CUX2: variants seen among roughly 807,000 people sequenced by gnomAD.
The protein encoded by CUX2 is homeobox protein cut-like 2.
In CUX2, 40 loss-of-function variants were observed where a neutral mutation model predicts 144.8. That is an observed-to-expected ratio of 0.28 (90% CI 0.21 to 0.36). CUX2 has a LOEUF of 0.36. Among genes scored for constraint, CUX2 ranks in the 10% least tolerant of loss-of-function variants. The probability of loss-of-function intolerance (pLI) is 1.00; values close to 1 mark genes in which losing one functional copy is unlikely to be tolerated. For synonymous variants in CUX2, 827 were observed against 875.6 expected, an observed-to-expected ratio of 0.94 and a Z score of 0.98; for missense variants, 1,615 against 1,994.0, an observed-to-expected ratio of 0.81 and a Z score of 3.62.
chr12:111,249,317 G>A (rs1366983842), intron 3 of CUX2, among the ~76,000 whole-genome samples: 1 of 149,086 alleles, frequency 6.7e-6, no homozygotes, highest in Non-Finnish European at 1.5e-5. Context: ...ATGAGGAAGA[G>A]AAGGATACGG....
chr12:111,342,197 C>A, intron 21 of CUX2, 144 bp downstream of exon 21: 1 of 991,312 alleles, frequency 1.0e-6, no homozygotes, highest in Non-Finnish European at 1.5e-6. Context: ...AGAACACAGG[C>A]CCAAGTGCAG....
intron 1 of CUX2, among the ~76,000 whole-genome samples, chr12:111,062,809 G>A (rs1212522339): frequency 1.3e-5 from 2 of 152,240 alleles, no homozygotes; most frequent in South Asian, 4.1e-4. Flanking sequence ...GGAGGCGCAT[G>A]GTAGTCCAGT....
chr12:111,082,975 A>G (rs1386347891), intron 1 of CUX2, among the ~76,000 whole-genome samples: 2 of 152,156 alleles, frequency 1.3e-5, no homozygotes, highest in African/African-American at 4.8e-5. Context: ...AGAGTCTTCT[A>G]TCACAGTTTC....
chr12:111,130,091 G>T (rs1476027779), intron 1 of CUX2, among the ~76,000 whole-genome samples: 1 of 152,194 alleles, frequency 6.6e-6, no homozygotes, highest in African/African-American at 2.4e-5. Flanking sequence ...AGTCACTCTG[G>T]TAAAAGGCTG....
intron 1 of CUX2, among the ~76,000 whole-genome samples, chr12:111,064,438 C>T (rs550151674): frequency 6.6e-6 from 1 of 152,328 alleles, no homozygotes; most frequent in Non-Finnish European, 1.5e-5. Context: ...CAGTTGGCAT[C>T]ATGCACAAGA....
rs559964092 is a variant in CUX2, at chr12:111,320,960, T to G, written c.2766+185T>G. Among the ~76,000 whole-genome samples, 1 of 152,144 alleles carries G rather than the reference T, an allele frequency of 6.6e-6. No individual in the cohort carries two copies. Among genetic ancestry groups the G allele is most frequent in the Non-Finnish European group, 1.5e-5 (1 of 68,020 alleles). On this transcript the variant is annotated intron_variant, in intron 17 of 21. Transcript: ENST00000261726. The surrounding 1 kb of genome is among the most constrained non-coding windows in gnomAD (Gnocchi z 8.1). ...CTCCGTGGTTGTTAAAACCAGGAAA[T>G]GCTTCCATCCTGGCCAGCAAACAGC...
chr12:111,078,858 C>T (rs1335145211), intron 1 of CUX2, among the ~76,000 whole-genome samples: 1 of 152,016 alleles, frequency 6.6e-6, no homozygotes, highest in Non-Finnish European at 1.5e-5. Context: ...GGTGGCTTAA[C>T]TGGGGGAAGC....
chr12:111,035,956 A>C lies in CUX2; in HGVS notation c.63+1716A>C, dbSNP rs1270998222. On this transcript the variant is annotated intron_variant, in intron 1 of 21. Coordinates refer to ENST00000261726, the MANE Select transcript of CUX2 (RefSeq NM_015267.4). The surrounding 1 kb of genome is among the most constrained non-coding windows in gnomAD (Gnocchi z 6.0). Reference sequence around the variant, plus strand: ...CTGGAAGAGTGGGGGTTATGGAGGCAGAGAGAGAGAGAGAGAGGGAGAATT... The same window carrying C: ...CTGGAAGAGTGGGGGTTATGGAGGCCGAGAGAGAGAGAGAGAGGGAGAATT... Among the ~76,000 whole-genome samples the C allele has an allele frequency of 6.9e-6, 1 of 144,936 alleles. No homozygotes were observed. The highest frequency in any genetic ancestry group is 1.5e-5 in the Non-Finnish European group (1 of 65,692).
chr12:111,166,298 A>ACTG (rs1878138248), intron 1 of CUX2, among the ~76,000 whole-genome samples: 1 of 152,244 alleles, frequency 6.6e-6, no homozygotes, highest in African/African-American at 2.4e-5. Flanking sequence ...CTGGGATTAC[A>ACTG]GGCGTGAGCC....
chr12:111,239,133 A>T (rs1318862997), intron 3 of CUX2, among the ~76,000 whole-genome samples: 1 of 152,206 alleles, frequency 6.6e-6, no homozygotes, highest in Non-Finnish European at 1.5e-5. Context: ...TCACACAGCC[A>T]GTTGGCAGCA....
rs547875675 is a variant in CUX2 at position 111,272,994 on chromosome 12, C to T, written c.301+9155C>T. ...CAGAAGGGAGGACAGGCATTCGAGC[C>T]GTGGCGTCTCATTAGCTTATGCTCT... On this transcript the variant is annotated intron_variant, in intron 4 of 21. Coordinates refer to ENST00000261726, the MANE Select transcript of CUX2 (RefSeq NM_015267.4). Among the ~76,000 whole-genome samples, 146 of 152,282 alleles carry T rather than the reference C, an allele frequency of 9.6e-4. 1 individual carries two copies. The highest frequency in any genetic ancestry group is 3.2e-3 in the African/African-American group (135 of 41,558).
At chr12:111,074,669 G>T (rs867756358) in intron 1 of CUX2, among the ~76,000 whole-genome samples, 1 of 152,028 alleles carries the variant, frequency 6.6e-6, no homozygotes, top group African/African-American at 2.4e-5. Flanking sequence ...GGAGGGAAGT[G>T]GGGGGTTGTG....
intron 1 of CUX2, among the ~76,000 whole-genome samples, chr12:111,065,015 C>G (rs1018997795): frequency 8.5e-5 from 13 of 152,252 alleles, no homozygotes; most frequent in African/African-American, 3.1e-4. Context: ...ATCTGAAGTT[C>G]TTGGGTGTGA....
intron 14 of CUX2, among the ~76,000 whole-genome samples, chr12:111,308,882 G>A (rs946935434): frequency 3.9e-5 from 6 of 152,222 alleles, no homozygotes; most frequent in Admixed American, 2.6e-4. Flanking sequence ...AGTAGGCTGC[G>A]GACATGATCA....
chr12:111,342,725 G>A (rs1355417191), intron 21 of CUX2, among the ~76,000 whole-genome samples: 16 of 152,042 alleles, frequency 1.1e-4, no homozygotes, highest in African/African-American at 3.6e-4. Flanking sequence ...TTGGGAGGCC[G>A]AGGTGGGCAG....
chr12:111,175,139 T>G, intron 1 of CUX2, among the ~76,000 whole-genome samples: 1 of 152,198 alleles, frequency 6.6e-6, no homozygotes. Flanking sequence ...ACGTCTTTTA[T>G]AGAGCAGCTG....
At chr12:111,325,695 G>T (rs1313076208) in intron 18 of CUX2, among the ~76,000 whole-genome samples, 6 of 39,538 alleles carry the variant, frequency 1.5e-4, no homozygotes, top group Non-Finnish European at 2.2e-4. Flanking sequence ...TAGTGTTGTG[G>T]TGGGGGAGGG....
rs1311396147 is a variant in CUX2 at position 111,342,387 on chromosome 12, G to T, written c.3659+334G>T. On this transcript the variant is annotated intron_variant, in intron 21 of 21. Coordinates refer to ENST00000261726, the MANE Select transcript of CUX2 (RefSeq NM_015267.4). ...TCCCAGCTACTTGGGAGGCCGAAGT[G>T]AGAGGGTCACTTAAGCCCAGGAGGC... Among the ~76,000 whole-genome samples the T allele has an allele frequency of 2.0e-5, 3 of 152,006 alleles. No individual in the cohort carries two copies. The East Asian group carries it at 5.8e-4, about 29-fold the overall frequency.
At chr12:111,236,482 C>T (rs1281655598) in intron 3 of CUX2, among the ~76,000 whole-genome samples, 5 of 152,258 alleles carry the variant, frequency 3.3e-5, no homozygotes, top group African/African-American at 7.2e-5. Context: ...GGACGATCAG[C>T]GCAGGGGCCT....
Sources: allele counts gnomAD v4.1 joint callset (sites outside exome capture counted in the v4.1 genomes callset), GRCh38; gene constraint gnomAD v4.1.1; non-coding constraint Gnocchi (gnomAD v3.1); transcripts MANE v1.5; gene names NCBI Gene and HGNC (gene_info 2026-07-23, HGNC 2026-07-21).